Variants in RALGPS2 observed in about 807,000 individuals in gnomAD.
RALGPS2 encodes the protein ras-specific guanine nucleotide-releasing factor RalGPS2.
A neutral mutation model predicts 86.8 loss-of-function variants in RALGPS2; 43 were observed. The observed-to-expected ratio is 0.50, with a 90% CI of 0.39 to 0.64. The LOEUF is 0.64. Among genes scored for constraint, RALGPS2 ranks in the 30% least tolerant of loss-of-function variants. The probability of loss-of-function intolerance (pLI) is 0.00; values close to 1 mark genes in which losing one functional copy is unlikely to be tolerated. For missense variants in RALGPS2, 536 were observed against 694.6 expected, an observed-to-expected ratio of 0.77 and a Z score of 2.57; for synonymous variants, 243 against 231.3, an observed-to-expected ratio of 1.05 and a Z score of -0.46.
chr1:178,805,819 C>T (rs562215223), intron 4 of RALGPS2, among the ~76,000 whole-genome samples: 87 of 152,178 alleles, frequency 5.7e-4, no homozygotes, highest in African/African-American at 2.0e-3. Context: ...TACAATCGAA[C>T]TGTACTTAAG....
In RALGPS2 at chr1:178,868,352, A is replaced by G. The variant is rs551974380; in HGVS notation, c.608-9146A>G. On this transcript the variant is annotated intron_variant, in intron 8 of 19. Transcript: ENST00000367635. ...GGCACATGCATATCATTTTTCCTAT[A>G]TATTTAATTTAACTTACCACTGCTA... is the stretch of plus-strand genomic sequence containing the variant. 3.9e-5 allele frequency among the ~76,000 whole-genome samples: 6 copies of G among 152,058 alleles called. No individual in the cohort carries two copies. The South Asian group carries it at 1.2e-3, about 31-fold the overall frequency.
intron 4 of RALGPS2, among the ~76,000 whole-genome samples, chr1:178,795,226 G>A (rs931759463): frequency 6.6e-6 from 1 of 150,894 alleles, no homozygotes; most frequent in African/African-American, 2.4e-5. Context: ...ATTTATCCTC[G>A]TAGATCAATA....
intron 18 of RALGPS2, among the ~76,000 whole-genome samples, chr1:178,904,193 T>C (rs1299698010): frequency 1.3e-5 from 2 of 152,108 alleles, no homozygotes; most frequent in Non-Finnish European, 2.9e-5. Flanking sequence ...CACTTTTCGA[T>C]GGGATTGGTT....
chr1:178,788,871 TTTTCTTTTC>T (rs766623087), intron 4 of RALGPS2, among the ~76,000 whole-genome samples: 1 of 135,790 alleles, frequency 7.4e-6, no homozygotes, highest in Non-Finnish European at 1.6e-5. Flanking sequence ...TTTTCTTTTC[TTTTCTTTTC>T]TTTCTTTCTT....
chr1:178,846,791 A>G (rs918718905), intron 8 of RALGPS2, among the ~76,000 whole-genome samples: 1 of 152,344 alleles, frequency 6.6e-6, no homozygotes, highest in East Asian at 1.9e-4. Context: ...TGAATATTTC[A>G]GTGATTTGTT....
At chr1:178,890,834 A>G (rs1443636670) in intron 14 of RALGPS2, among the ~76,000 whole-genome samples, 1 of 151,896 alleles carries the variant, frequency 6.6e-6, no homozygotes, top group Non-Finnish European at 1.5e-5. Context: ...TTATTTTTGC[A>G]TTATTTTTCT....
intron 1 of RALGPS2, among the ~76,000 whole-genome samples, chr1:178,775,119 G>A (rs1207054367): frequency 6.6e-6 from 1 of 152,134 alleles, no homozygotes; most frequent in Middle Eastern, 3.2e-3. Flanking sequence ...CATAGTAATA[G>A]CATATTTACC....
intron 1 of RALGPS2, among the ~76,000 whole-genome samples, chr1:178,762,600 T>C (rs546621768): frequency 6.6e-6 from 1 of 152,348 alleles, no homozygotes; most frequent in East Asian, 1.9e-4. Flanking sequence ...ACTTCTCTAA[T>C]GATAGTAATG....
At chr1:178,764,745 T>G (rs1572300988) in intron 1 of RALGPS2, among the ~76,000 whole-genome samples, 1 of 150,560 alleles carries the variant, frequency 6.6e-6, no homozygotes, top group African/African-American at 2.5e-5. Flanking sequence ...TATGAAGTTC[T>G]TGGTTGGAAA....
At position 178,878,983 on chromosome 1, in the gene RALGPS2, A is replaced by G; in HGVS notation, c.827A>G (p.Asp276Gly). The change falls in exon 10 of 20, where the codon GAT (aspartate) becomes GGT (glycine). Residue 276 changes from aspartate (D) to glycine (G), a missense_variant. Asp to Gly is a moderately conservative substitution (Grantham distance 94). Around this residue, in one of 3 missense-constraint regions of RALGPS2, gnomAD observed 184 missense variants for 296.7 expected, o/e 0.62. Transcript: ENST00000367635. ...GAACTACAAAAATTTGTGGAAGACG[A>G]TAATTACAAGTAGGTTGGATCTTCA... ...IEELQKFVED[D>G]NYKLSLKIEP... is the part of the protein sequence containing the mutation. 1.2e-6 allele frequency: 2 copies of G among 1,612,674 alleles called. No individual in the cohort carries two copies. Among genetic ancestry groups the G allele is most frequent in the African/African-American group, 1.3e-5 (1 of 75,024 alleles).
chr1:178,844,476 G>A (rs566118386), intron 8 of RALGPS2, among the ~76,000 whole-genome samples: 2 of 152,114 alleles, frequency 1.3e-5, no homozygotes, highest in African/African-American at 2.4e-5. Context: ...ATGTTTTCTC[G>A]GCTCTCAACT....
chr1:178,878,829 A>C (rs2102365967), intron 9 of RALGPS2, 73 bp from the exon 10 acceptor site: 1 of 1,562,362 alleles, frequency 6.4e-7, no homozygotes, highest in South Asian at 1.2e-5. Flanking sequence ...CCTTTAAGTT[A>C]TTTTCAGCTT....
rs1659111361 is a variant in RALGPS2, at chr1:178,878,947, A to G, written c.791A>G (p.Gln264Arg). The change falls in exon 10 of 20, where the codon CAG becomes CGG. Residue 264 changes from glutamine (Q) to arginine (R), a missense_variant. By Grantham distance (43) the Gln-to-Arg change is conservative (BLOSUM62 1). Coordinates refer to ENST00000367635, the MANE Select transcript of RALGPS2 (RefSeq NM_152663.5). Reference sequence around the variant, plus strand: ...GTCCAAAAATATCTCAACTCTGTTCAGTATATAGAAGAACTACAAAAATTT... The same window carrying G: ...GTCCAAAAATATCTCAACTCTGTTCGGTATATAGAAGAACTACAAAAATTT... ...PHVQKYLNSV[Q>R]YIEELQKFVE... is the part of the protein sequence containing the mutation. 1.2e-6 allele frequency: 2 copies of G among 1,612,538 alleles called. No homozygotes were observed. The highest frequency in any genetic ancestry group is 1.3e-5 in the African/African-American group (1 of 74,986).
At position 178,906,808 on chromosome 1, in the gene RALGPS2, A is replaced by G; in HGVS notation, c.1663A>G (p.Met555Val). ...GTACAAGTTTCAAGCTGGCAATAGA[A>G]TGAATGCAATGTTATGGTTTAAGCA... ...NSYKFQAGNR[M>V]NAMLWFKHLS... is the part of the protein sequence containing the mutation. Residue 555 changes from methionine to valine, a missense_variant, in exon 19 of 20, where the codon ATG (methionine) becomes GTG (valine). By Grantham distance (21) the Met-to-Val change is conservative. Coordinates refer to ENST00000367635, the MANE Select transcript of RALGPS2 (RefSeq NM_152663.5). 6.2e-7 allele frequency: 1 copy of G among 1,609,094 alleles called. No individual in the cohort carries two copies. The highest frequency in any genetic ancestry group is 8.5e-7 in the Non-Finnish European group (1 of 1,178,740).
At chr1:178,865,213 G>T (rs1283931468) in intron 8 of RALGPS2, 10 of 1,613,928 alleles carry the variant, frequency 6.2e-6, no homozygotes, top group African/African-American at 2.7e-5. Flanking sequence ...TCACAGATTG[G>T]TTATTGACAA....
intron 1 of RALGPS2, among the ~76,000 whole-genome samples, chr1:178,766,655 G>T (rs1025240549): frequency 6.6e-6 from 1 of 152,136 alleles, no homozygotes; most frequent in Non-Finnish European, 1.5e-5. Context: ...TGACCTACCT[G>T]CTCTCTCTGG....
intron 8 of RALGPS2, among the ~76,000 whole-genome samples, chr1:178,871,977 C>A (rs559040831): frequency 2.6e-5 from 4 of 152,290 alleles, no homozygotes; most frequent in Admixed American, 6.5e-5. Context: ...TTAAATAACT[C>A]AGTAGCTGAA....
At chr1:178,888,973 G>T (rs1016588049) in intron 13 of RALGPS2, among the ~76,000 whole-genome samples, 1 of 152,180 alleles carries the variant, frequency 6.6e-6, no homozygotes, top group East Asian at 1.9e-4. Context: ...TACCTTTAAA[G>T]TAACATTTAA....
chr1:178,735,440 T>TC (rs913696332), intron 1 of RALGPS2, among the ~76,000 whole-genome samples: 9 of 150,212 alleles, frequency 6.0e-5, no homozygotes, highest in African/African-American at 2.2e-4. Context: ...TCTTTTTTTT[T>TC]TTTTTTTGAT....
Sources: allele counts gnomAD v4.1 joint callset (sites outside exome capture counted in the v4.1 genomes callset), GRCh38; gene constraint gnomAD v4.1.1; regional missense constraint gnomAD v4.1.1; transcripts MANE v1.5; gene names NCBI Gene and HGNC (gene_info 2026-07-23, HGNC 2026-07-21).